The following LETMD1 variants were observed in gnomAD, a reference collection of about 807,000 sequenced individuals.
The protein encoded by LETMD1 is LETM1 domain-containing protein 1.
In LETMD1, 30 loss-of-function variants were observed where a neutral mutation model predicts 43.9. That is an observed-to-expected ratio of 0.68 (90% confidence interval 0.51 to 0.93). LETMD1 has a LOEUF of 0.93. LETMD1 is among the 40% of genes least tolerant of loss of function. The probability of loss-of-function intolerance (pLI) is 0.00; values close to 1 mark genes in which losing one functional copy is unlikely to be tolerated. For synonymous variants in LETMD1, 176 were observed against 163.1 expected (o/e 1.08, Z -0.60); for missense variants, 413 against 447.7 (o/e 0.92, Z 0.70).
At chr12:51,065,959 A>C in the LETMD1 span, among the ~76,000 whole-genome samples, 1 of 152,224 alleles carries the variant, frequency 6.6e-6, no homozygotes, top group Non-Finnish European at 1.5e-5. Context: ...GTTCCAGATA[A>C]ATTTCATTCT....
At chr12:51,049,337 A>G in intron 2 of LETMD1, 152 bp downstream of exon 2, 2 of 597,680 alleles carry the variant, frequency 3.3e-6, no homozygotes, top group Non-Finnish European at 5.6e-6. Flanking sequence ...ACTAATTCCT[A>G]TAAATTAGCA....
rs1947765402 is a variant in LETMD1 at position 51,056,492 on chromosome 12, A to G, written c.905A>G (p.Glu302Gly). 2 of 1,614,178 alleles carry G rather than the reference A, an allele frequency of 1.2e-6. No individual in the cohort carries two copies. The highest frequency in any genetic ancestry group is 2.7e-5 in the African/African-American group (2 of 75,034). ...KLGIGQLTAQ[E>G]VKSACYLRGL... ...GGGATTGGCCAGCTGACTGCTCAGG[A>G]AGTAAAATCGGTAAGAGCTTGATTG... The change falls in exon 7 of 9, where the codon GAA (glutamate) becomes GGA (glycine). Residue 302 changes from glutamate (E) to glycine (G), a missense_variant. Coordinates refer to ENST00000262055, the MANE Select transcript of LETMD1 (RefSeq NM_015416.5).
chr12:51,052,332 C>A, intron 3 of LETMD1, 125 bp downstream of exon 3: 2 of 1,133,492 alleles, frequency 1.8e-6, no homozygotes, highest in South Asian at 1.6e-5. Context: ...GCCGTGAGAA[C>A]AAAATATTGA....
downstream of LETMD1, among the ~76,000 whole-genome samples, chr12:51,060,955 A>G (rs1407530621): frequency 1.3e-5 from 2 of 151,730 alleles, no homozygotes; most frequent in Non-Finnish European, 2.9e-5. Context: ...AGCCCAGAGT[A>G]GGGACAGGGC....
rs1944896802 is a variant in LETMD1, at chr12:51,048,345, C to G, written c.-12C>G. On this transcript the variant is annotated 5_prime_UTR_variant, in exon 1 of 9. Transcript: ENST00000262055. ...AGACAACCTCTTCTCTCCCGCTTCTCTCGCTGTGAAGATGGCGCTCTCCAG... is the reference window on the plus strand; with the variant it reads ...AGACAACCTCTTCTCTCCCGCTTCTGTCGCTGTGAAGATGGCGCTCTCCAG... 6.2e-7 allele frequency: 1 copy of G among 1,614,112 alleles called. No homozygotes were observed. The highest frequency in any genetic ancestry group is 8.5e-7 in the Non-Finnish European group (1 of 1,180,008).
chr12:51,051,409 C>G (rs542900894), intron 2 of LETMD1, among the ~76,000 whole-genome samples: 83 of 143,788 alleles, frequency 5.8e-4, no homozygotes, highest in Middle Eastern at 4.1e-3. Flanking sequence ...ATCTCAAAAA[C>G]AAAAATAAGT....
chr12:51,053,954 G>A, intron 4 of LETMD1, 94 bp downstream of exon 4: 2 of 831,126 alleles, frequency 2.4e-6, no homozygotes, highest in South Asian at 3.3e-5. Context: ...TCAGAAGATA[G>A]GCAGAGGTTA....
At chr12:51,053,302 A>G (rs1946694008) in intron 3 of LETMD1, among the ~76,000 whole-genome samples, 1 of 152,204 alleles carries the variant, frequency 6.6e-6, no homozygotes, top group African/African-American at 2.4e-5. Flanking sequence ...AAAGTAAATA[A>G]GTCAGAGGTT....
chr12:51,056,362 C>T lies in LETMD1; in HGVS notation c.775C>T (p.Arg259Trp), dbSNP rs766203949. The T allele has an allele frequency of 1.1e-5, 18 of 1,614,074 alleles. No homozygotes were observed. Among genetic ancestry groups the T allele is most frequent in the Middle Eastern group, 3.3e-4 (2 of 6,084 alleles). ...LQALHVKALS[R>W]AMLLTSYLPP... is the part of the protein sequence containing the mutation. ...GGTTGTGTTACAGAAAGCCTTGAGCCGGGCCATGCTTCTCACATCTTACCT... is the reference window on the plus strand; with the variant it reads ...GGTTGTGTTACAGAAAGCCTTGAGCTGGGCCATGCTTCTCACATCTTACCT... The change falls in exon 7 of 9, where the codon CGG becomes TGG. Residue 259 changes from arginine to tryptophan, a missense_variant. Coordinates refer to ENST00000262055, the MANE Select transcript of LETMD1 (RefSeq NM_015416.5).
At chr12:51,054,825 G>T (rs1428359159) in intron 4 of LETMD1, among the ~76,000 whole-genome samples, 1 of 152,218 alleles carries the variant, frequency 6.6e-6, no homozygotes, top group Non-Finnish European at 1.5e-5. Context: ...TCGTGGCCAG[G>T]TGCAGTGGCT....
At chr12:51,049,221 G>A in intron 2 of LETMD1, 36 bp downstream of exon 2, 1 of 1,586,484 alleles carries the variant, frequency 6.3e-7, no homozygotes, top group South Asian at 1.1e-5. Flanking sequence ...TCCGGAATCA[G>A]CTCTTGGGCA....
chr12:51,051,982 G>C (rs1946305844), intron 2 of LETMD1, 110 bp from the exon 3 acceptor site: 3 of 899,190 alleles, frequency 3.3e-6, no homozygotes, highest in Non-Finnish European at 5.0e-6. Context: ...TTTGAGTATC[G>C]TTGGGGAGGG....
downstream of LETMD1, chr12:51,064,586 C>A (rs1306899310): frequency 8.7e-6 from 14 of 1,600,730 alleles, no homozygotes; most frequent in Admixed American, 1.8e-5. Flanking sequence ...GAGTCCGGAC[C>A]CGGATTGGAT....
chr12:51,058,004 AG>A, intron 7 of LETMD1, 27 bp from the exon 8 acceptor site: 1 of 1,316,672 alleles, frequency 7.6e-7, no homozygotes, highest in Non-Finnish European at 1.1e-6. Flanking sequence ...ATGATTATTA[AG>A]GACCATTTCT....
chr12:51,056,677 C>T, intron 7 of LETMD1, 175 bp downstream of exon 7: 1 of 543,564 alleles, frequency 1.8e-6, no homozygotes, highest in East Asian at 3.5e-5. Context: ...TATTTTGAGA[C>T]AGAGTCTCAT....
At chr12:51,048,934 G>A in intron 1 of LETMD1, 100 bp from the exon 2 acceptor site, 2 of 1,138,930 alleles carry the variant, frequency 1.8e-6, no homozygotes, top group Admixed American at 2.3e-5. Flanking sequence ...GTCAAGCCTT[G>A]GGATACAATC....
At position 51,055,870 on chromosome 12, in the gene LETMD1, T is replaced by C. The variant is rs1020605775; in HGVS notation, c.509T>C (p.Phe170Ser). The part of the protein sequence containing the change: ...LFPRQLLIRH[F>S]WTPKQQTDFL... ...CCCAGGCAACTACTGATCAGGCATT[T>C]CTGGACCCCAAAACAACAAACTGAT... is the stretch of plus-strand genomic sequence containing the variant. Residue 170 changes from phenylalanine to serine, a missense_variant, in exon 5 of 9, where the codon TTC becomes TCC. Phe to Ser is a radical substitution (Grantham distance 155). Transcript: ENST00000262055. 4 of 1,613,596 alleles carry C rather than the reference T, an allele frequency of 2.5e-6. No homozygotes were observed. Among genetic ancestry groups the C allele is most frequent in the Non-Finnish European group, 2.5e-6 (3 of 1,179,834 alleles).
At chr12:51,058,309 C>G (rs138717277) in intron 8 of LETMD1, 181 bp downstream of exon 8, 1 of 611,844 alleles carries the variant, frequency 1.6e-6, no homozygotes, top group African/African-American at 1.8e-5. Flanking sequence ...GGCCATAAGA[C>G]AAGAGGGAGT....
In LETMD1 at chr12:51,048,418, G is replaced by A. The variant is rs752205706; in HGVS notation, c.62G>A (p.Gly21Glu). The A allele has an allele frequency of 2.5e-6, 4 of 1,613,522 alleles. No individual in the cohort carries two copies. Among genetic ancestry groups the A allele is most frequent in the Non-Finnish European group, 3.4e-6 (4 of 1,179,824 alleles). Residue 21 changes from glycine (G) to glutamate (E), a missense_variant, in exon 1 of 9, where the codon GGA becomes GAA. Gly to Glu is a moderately conservative substitution (Grantham distance 98). Transcript: ENST00000262055. ...SAVWGSAVTP[G>E]HFVTRRLQLG... ...GTGTGGGGCTCGGCAGTCACCCCTG[G>A]ACATTTTGTCACCCGGAGGCTGCAA...
Sources: gnomAD v4.1 joint callset for allele counts (sites outside exome capture counted in the v4.1 genomes callset) on GRCh38, gnomAD v4.1.1 for gene constraint, MANE v1.5 for transcripts, NCBI Gene and HGNC (gene_info 2026-07-23, HGNC 2026-07-21) for gene names.